The following PID1 variants were observed in gnomAD, a reference collection of about 807,000 sequenced individuals.
PID1 encodes the protein PTB-containing, cubilin and LRP1-interacting protein.
In PID1, 10 loss-of-function variants were observed where a neutral mutation model predicts 19.1. That is an observed-to-expected ratio of 0.52 (90% CI 0.32 to 0.89). PID1 has a LOEUF of 0.89. Ranked by LOEUF, PID1 falls within the 40% of genes least tolerant of loss-of-function variation. PID1 has a pLI of 0.03. For missense variants in PID1, 248 were observed against 285.3 expected, an observed-to-expected ratio of 0.87 and a Z score of 0.94; for synonymous variants, 130 against 116.0, an observed-to-expected ratio of 1.12 and a Z score of -0.78.
chr2:229,052,532 G>A (rs1694016385), intron 2 of PID1, among the ~76,000 whole-genome samples: 1 of 144,432 alleles, frequency 6.9e-6, no homozygotes. Context: ...TTTTTGATGG[G>A]ACTTGGCTTA....
chr2:229,038,754 G>A (rs865788115), intron 2 of PID1, among the ~76,000 whole-genome samples: 8 of 152,140 alleles, frequency 5.3e-5, no homozygotes, highest in Admixed American at 3.3e-4. Flanking sequence ...CAACAGTTAT[G>A]AAATCCACTC....
chr2:229,028,841 A>G (rs1693482511), intron 2 of PID1, among the ~76,000 whole-genome samples: 1 of 152,158 alleles, frequency 6.6e-6, no homozygotes, highest in Non-Finnish European at 1.5e-5. Context: ...TTGCCCAAAC[A>G]ATTTCATACG....
rs1160966696 is a variant in PID1 at position 229,155,698 on chromosome 2, G to C, written c.177+120C>G. On this transcript the variant is annotated intron_variant, in intron 2 of 2. Coordinates refer to ENST00000392055, the MANE Select transcript of PID1 (RefSeq NM_001100818.2). ...TACCATCACTCTGTGAATTTATTTT[G>C]TTGGTCATTTTATATTTTCATTCTT... The C allele has an allele frequency of 1.5e-5, 13 of 893,056 alleles. No individual in the cohort carries two copies. In the African/African-American group the frequency reaches 2.0e-4, roughly 14 times the overall value. The allele number at this position is 893,056 out of a possible 1,614,324, so 55.3% of individuals were successfully genotyped here.
intron 1 of PID1, among the ~76,000 whole-genome samples, chr2:229,183,680 C>G (rs967956560): frequency 2.6e-5 from 4 of 151,952 alleles, no homozygotes; most frequent in Admixed American, 2.6e-4. Context: ...GGTTTTGAGA[C>G]CGCTGGCTTT....
intron 1 of PID1, among the ~76,000 whole-genome samples, chr2:229,192,213 A>G (rs539425757): frequency 1.2e-4 from 18 of 152,298 alleles, no homozygotes; most frequent in Non-Finnish European, 2.1e-4. Flanking sequence ...TTGTCCTAGG[A>G]GTACCTTTTT....
At chr2:229,035,537 T>C (rs1053816699) in intron 2 of PID1, among the ~76,000 whole-genome samples, 3 of 139,118 alleles carry the variant, frequency 2.2e-5, no homozygotes, top group African/African-American at 2.8e-5. Context: ...TGTGTGTGTG[T>C]GTGCACCAAC....
intron 2 of PID1, among the ~76,000 whole-genome samples, chr2:229,125,314 G>C (rs773824535): frequency 3.3e-5 from 5 of 151,608 alleles, no homozygotes; most frequent in Non-Finnish European, 5.9e-5. Flanking sequence ...TGTGGTATGA[G>C]TAAGAAATAA....
At chr2:229,264,211 G>A (rs187075817) in intron 1 of PID1, among the ~76,000 whole-genome samples, 71 of 152,228 alleles carry the variant, frequency 4.7e-4, no homozygotes, top group African/African-American at 1.7e-3. Context: ...TTCTAGAACG[G>A]CTTCACTTAT....
chr2:229,145,807 T>C (rs1238068769), intron 2 of PID1, among the ~76,000 whole-genome samples: 4 of 152,190 alleles, frequency 2.6e-5, no homozygotes, highest in Admixed American at 6.5e-5. Context: ...AAAACCTGTG[T>C]AGAACAGGTT....
intron 2 of PID1, among the ~76,000 whole-genome samples, chr2:229,075,949 C>T (rs918502388): frequency 1.3e-5 from 2 of 152,158 alleles, no homozygotes; most frequent in African/African-American, 4.8e-5. Flanking sequence ...TGCTTCTACT[C>T]ACCACTTTGT....
At chr2:229,050,340 C>A (rs1456327700) in intron 2 of PID1, among the ~76,000 whole-genome samples, 1 of 152,146 alleles carries the variant, frequency 6.6e-6, no homozygotes, top group East Asian at 1.9e-4. Flanking sequence ...AAATGTATAG[C>A]CTCTCCAGCA....
At chr2:229,083,263 T>G (rs748896705) in intron 2 of PID1, among the ~76,000 whole-genome samples, 2 of 152,210 alleles carry the variant, frequency 1.3e-5, no homozygotes, top group Non-Finnish European at 2.9e-5. Flanking sequence ...ATCCAGTATG[T>G]GCTGGAGTGG....
chr2:229,071,395 G>A (rs1015936835), intron 2 of PID1, among the ~76,000 whole-genome samples: 1 of 152,150 alleles, frequency 6.6e-6, no homozygotes, highest in Non-Finnish European at 1.5e-5. Flanking sequence ...CTTTGGTGTG[G>A]TCACTGTTGA....
intron 2 of PID1, among the ~76,000 whole-genome samples, chr2:229,133,886 ACTCATCATTTAGCATTAGGTATAT>A (rs1424065016): frequency 6.6e-6 from 1 of 151,922 alleles, no homozygotes; most frequent in African/African-American, 2.4e-5. Flanking sequence ...GCACCCACTA[ACTCATCATTTAGCATTAGGTATAT>A]CTCCTAATGC....
chr2:229,171,931 G>A (rs906656541), intron 1 of PID1, among the ~76,000 whole-genome samples: 2 of 152,086 alleles, frequency 1.3e-5, no homozygotes, highest in Non-Finnish European at 2.9e-5. Context: ...ATGCTCTTTT[G>A]CAGGATGTTG....
In PID1 at chr2:229,255,887, G is replaced by A. The variant is rs113977207; in HGVS notation, c.30+15127C>T. Among the ~76,000 whole-genome samples the A allele has an allele frequency of 1.8e-4, 27 of 152,232 alleles. No homozygotes were observed. The South Asian group carries it at 4.4e-3, about 25-fold the overall frequency. On this transcript the variant is annotated intron_variant, in intron 1 of 2. Coordinates refer to ENST00000392055, the MANE Select transcript of PID1 (RefSeq NM_001100818.2). ...CCACTCCAATCATGAAAACTCCATC[G>A]CACAGCTCTCAAAATAGAGGGGACA...
intron 2 of PID1, among the ~76,000 whole-genome samples, chr2:229,041,178 C>T (rs1421784804): frequency 6.6e-6 from 1 of 152,120 alleles, no homozygotes; most frequent in African/African-American, 2.4e-5. Context: ...CTAAAAGAAG[C>T]CATCCCTACT....
intron 1 of PID1, chr2:229,231,961 G>A (rs1482785273): frequency 3.4e-5 from 53 of 1,550,346 alleles, no homozygotes; most frequent in Admixed American, 2.4e-4. Flanking sequence ...ATCAAGGTGC[G>A]GGCTTGTTTG....
At chr2:229,142,662 G>A (rs1690039619) in intron 2 of PID1, among the ~76,000 whole-genome samples, 1 of 152,184 alleles carries the variant, frequency 6.6e-6, no homozygotes, top group African/African-American at 2.4e-5. Flanking sequence ...TCTCACGCCA[G>A]TTAGAATGGC....
Sources: gnomAD v4.1 joint callset for allele counts (sites outside exome capture counted in the v4.1 genomes callset) on GRCh38, gnomAD v4.1.1 for gene constraint, MANE v1.5 for transcripts, NCBI Gene and HGNC (gene_info 2026-07-23, HGNC 2026-07-21) for gene names.